The following PKD1 variants were observed in gnomAD, a reference collection of about 807,000 sequenced individuals.
The protein encoded by PKD1 is polycystin 1, transient receptor potential channel interacting.
Under a neutral mutation model 361.7 loss-of-function variants are expected in PKD1, and 81 were observed. That is an observed-to-expected ratio of 0.22 (90% confidence interval 0.19 to 0.27). PKD1 has a LOEUF of 0.27. Ranked by LOEUF, PKD1 falls within the 10% of genes least tolerant of loss-of-function variation. The pLI is 1.00. For missense variants in PKD1, 6,399 were observed against 6,118.3 expected, an observed-to-expected ratio of 1.05 and a Z score of -1.53; for synonymous variants, 3,615 against 2,818.3, an observed-to-expected ratio of 1.28 and a Z score of -8.95.
chr16:2,090,531 G>A lies in PKD1; in HGVS notation c.12198C>T (p.Cys4066=), dbSNP rs116216040. 1.1e-3 allele frequency: 1,693 copies of A among 1,610,278 alleles called. 13 individuals carry two copies. The African/African-American group carries it at 0.014, about 14-fold the overall frequency. The part of the protein sequence containing the change: ...WSVAQALLVL[C]PGTGLSTLCP... Reference sequence around the variant, plus strand: ...ACAGGGTAGAGAGCCCAGTCCCAGGGCACAGCACCAACAGGGCCTGGGCCA... The same window carrying A: ...ACAGGGTAGAGAGCCCAGTCCCAGGACACAGCACCAACAGGGCCTGGGCCA... The change falls in exon 45 of 46, where the codon TGC becomes TGT. Residue 4066 remains cysteine, a synonymous_variant. Coordinates refer to ENST00000262304, the MANE Select transcript of PKD1 (RefSeq NM_001009944.3).
rs760474638 is a variant in PKD1 at position 2,102,869 on chromosome 16, G to A, written c.8893C>T (p.Pro2965Ser). The change falls in exon 24 of 46, where the codon CCA (proline) becomes TCA (serine). Residue 2965 changes from proline to serine, a missense_variant. Transcript: ENST00000262304. ...HNCSASRRIR[P>S]ESLQGADHRP... ...TGGTCAGCACCCTGGAGTGACTCTG[G>A]GCGGATCCTCCTGCTAGCCGAGCAG... 1.1e-5 allele frequency: 17 copies of A among 1,610,046 alleles called. 1 individual carries two copies. Among genetic ancestry groups the A allele is most frequent in the Non-Finnish European group, 8.5e-6 (10 of 1,179,732 alleles).
chr16:2,093,475 G>A (rs2151706683), intron 37 of PKD1, 69 bp downstream of exon 37: 2 of 1,403,542 alleles, frequency 1.4e-6, no homozygotes, highest in Admixed American at 2.0e-5. Context: ...GGAGTGTCCT[G>A]CGTGCATGGG....
chr16:2,121,503 C>A (rs1374087370), intron 1 of PKD1, among the ~76,000 whole-genome samples: 1 of 152,184 alleles, frequency 6.6e-6, no homozygotes, highest in Non-Finnish European at 1.5e-5. Flanking sequence ...GGAAAAACAT[C>A]CCATGTCAGT....
rs905389933 is a variant in PKD1 at position 2,092,884 on chromosome 16, C to T, written c.11156+70G>A. 1.5e-5 allele frequency: 24 copies of T among 1,574,816 alleles called. No individual in the cohort carries two copies. The South Asian group carries it at 2.2e-4, about 15-fold the overall frequency. On this transcript the variant is annotated intron_variant, in intron 38 of 45. Coordinates refer to ENST00000262304, the MANE Select transcript of PKD1 (RefSeq NM_001009944.3). The stretch of plus-strand genomic sequence containing the variant: ...GGTATCTACACATGTCCACATGTCC[C>T]CTAGGGTCTGGCTGGACTAAAGGCA...
chr16:2,126,004 T>TGG (rs796406284), intron 1 of PKD1, among the ~76,000 whole-genome samples: 34 of 139,078 alleles, frequency 2.4e-4, no homozygotes, highest in South Asian at 7.3e-4. Context: ...AAGAGGATGG[T>TGG]GGGGGGGGGG....
At position 2,108,627 on chromosome 16, in the gene PKD1, G is replaced by A. The variant is rs1290717799; in HGVS notation, c.6540C>T (p.Thr2180=). 5 of 1,560,324 alleles carry A rather than the reference G, an allele frequency of 3.2e-6. No homozygotes were observed. Among genetic ancestry groups the A allele is most frequent in the South Asian group, 1.2e-5 (1 of 85,304 alleles). The change falls in exon 15 of 46, where the codon ACC becomes ACT. Residue 2180 remains threonine, a synonymous_variant. Coordinates refer to ENST00000262304, the MANE Select transcript of PKD1 (RefSeq NM_001009944.3). Reference sequence around the variant, plus strand: ...CCTCCCAGCGGTACTCAGTCTGGTAGGTGACGCAGTCGCGCAGGTCAACGT... The same window carrying A: ...CCTCCCAGCGGTACTCAGTCTGGTAAGTGACGCAGTCGCGCAGGTCAACGT... The part of the protein sequence containing the change: ...EAHVDLRDCV[T]YQTEYRWEVY...
rs375153645 is a variant in PKD1, at chr16:2,110,635, G to A, written c.4532C>T (p.Pro1511Leu). The stretch of plus-strand genomic sequence containing the variant: ...GCTGTTGTAAGCGTGGGTGACCTCC[G>A]GACCCTCGAGCCACCCACCGTCCCC... The part of the protein sequence containing the change: ...DLGDGGWLEG[P>L]EVTHAYNSTG... Residue 1511 changes from proline (P) to leucine (L), a missense_variant, in exon 15 of 46, where the codon CCG (proline) becomes CTG (leucine). Pro to Leu is a moderately conservative substitution (Grantham distance 98). Transcript: ENST00000262304. The A allele has an allele frequency of 3.2e-5, 51 of 1,609,904 alleles. No individual in the cohort carries two copies. Among genetic ancestry groups the A allele is most frequent in the African/African-American group, 2.8e-4 (21 of 74,818 alleles).
rs143419418 is a variant in PKD1, at chr16:2,103,438, G to A, written c.8619C>T (p.Thr2873=). 69 of 1,599,080 alleles carry A rather than the reference G, an allele frequency of 4.3e-5. No individual in the cohort carries two copies. The highest frequency in any genetic ancestry group is 6.7e-5 in the Admixed American group (4 of 59,986). ...IERLASERAI[T]VKVPNNSDWA... ...AGTCCGAGTTGTTGGGCACCTTCAC[G>A]GTGATGGCGCGCTCTGAGGCCAGCC... The change falls in exon 23 of 46, where the codon ACC becomes ACT. Residue 2873 remains threonine, a synonymous_variant. Coordinates refer to ENST00000262304, the MANE Select transcript of PKD1 (RefSeq NM_001009944.3).
At chr16:2,131,197 G>A (rs922421492) in intron 1 of PKD1, among the ~76,000 whole-genome samples, 1 of 152,150 alleles carries the variant, frequency 6.6e-6, no homozygotes, top group African/African-American at 2.4e-5. Context: ...AAAAAGAGAG[G>A]AAGGGAAGCT....
intron 39 of PKD1, 74 bp downstream of exon 39, chr16:2,092,406 C>T (rs2091637331): frequency 8.9e-7 from 1 of 1,125,378 alleles, no homozygotes; most frequent in Admixed American, 1.9e-5. Flanking sequence ...AGGGCTGATG[C>T]CAGAGCTCCG....
Position 2,113,095 on chromosome 16 carries a change from G to C in PKD1, c.2985+66C>G, listed in dbSNP as rs927321761. On this transcript the variant is annotated intron_variant, in intron 12 of 45. Transcript: ENST00000262304. ...ATGAAGCAGAGCAGAAGGCAGAGGT[G>C]AAGGTGGAGCCCGCCCCCGCCCTGC... 4 of 981,896 alleles carry C rather than the reference G, an allele frequency of 4.1e-6. No homozygotes were observed. The Admixed American group carries it at 7.9e-5, about 19-fold the overall frequency. The allele number at this position is 981,896 out of a possible 1,614,324, so 60.8% of individuals were successfully genotyped here.
chr16:2,094,176 C>T lies in PKD1; in HGVS notation c.10534G>A (p.Ala3512Thr). 1 of 1,606,300 alleles carries T rather than the reference C, an allele frequency of 6.2e-7. No homozygotes were observed. The highest frequency in any genetic ancestry group is 8.5e-7 in the Non-Finnish European group (1 of 1,176,124). ...CCCAGCTCCCCCAGCCTCTGCAGCG[C>T]CAGCGTCTCTGTCTTCTCCCCAGGA... Reference protein sequence around the residue: ...STPGEKTETLALQRLGELGPP... With the variant: ...STPGEKTETLTLQRLGELGPP... Residue 3512 changes from alanine (A) to threonine (T), a missense_variant, in exon 35 of 46, where the codon GCG (alanine) becomes ACG (threonine). By Grantham distance (58) the Ala-to-Thr change is moderately conservative. Coordinates refer to ENST00000262304, the MANE Select transcript of PKD1 (RefSeq NM_001009944.3).
Position 2,116,897 on chromosome 16 carries a change from G to A in PKD1, c.1542C>T (p.Thr514=), listed in dbSNP as rs530963864. ...AGCACAGGTCGGTGTTACACCACCC[G>A]GTGGGCCCGAGCCGGACGCAGTGCT... ...TAEHCVRLGP[T]GWCNTDLCSA... The change falls in exon 7 of 46, where the codon ACC becomes ACT. Residue 514 remains threonine, a synonymous_variant. Transcript: ENST00000262304. 9.2e-6 allele frequency: 14 copies of A among 1,527,508 alleles called. No individual in the cohort carries two copies. In the East Asian group the frequency reaches 1.7e-4, roughly 18 times the overall value. 94.6% of individuals were successfully genotyped at this position (1,527,508 alleles called of 1,614,324 possible). A position where few individuals can be genotyped will look rare whatever the true frequency, so the allele number is the denominator to read the frequency against.
rs548925324 is a variant in PKD1, at chr16:2,106,040, G to C, written c.7704-16C>G. 5 of 1,607,058 alleles carry C rather than the reference G, an allele frequency of 3.1e-6. No individual in the cohort carries two copies. The African/African-American group carries it at 4.0e-5, about 13-fold the overall frequency. On this transcript the variant is annotated splice_polypyrimidine_tract_variant and intron_variant, in intron 19 of 45. Coordinates refer to ENST00000262304, the MANE Select transcript of PKD1 (RefSeq NM_001009944.3). This position sits in a 1 kb window ranked among gnomAD's most constrained non-coding sequence, Gnocchi z 6.5. ...GGCCAAAGACCTACGAGCAGAGGGG[G>C]GTGGTGAGCAGGTGGCAGTCTCGGG...
At chr16:2,094,455 T>C (rs939997540) in intron 34 of PKD1, among the ~76,000 whole-genome samples, 4 of 152,166 alleles carry the variant, frequency 2.6e-5, no homozygotes, top group African/African-American at 9.6e-5. Context: ...TTGCTGCTGA[T>C]AAACCCATCG....
rs375255736 is a variant in PKD1, at chr16:2,109,862, G to A, written c.5305C>T (p.His1769Tyr). The A allele has an allele frequency of 1.3e-5, 21 of 1,610,558 alleles. No individual in the cohort carries two copies. The Middle Eastern group carries it at 9.0e-4, about 69-fold the overall frequency. The change falls in exon 15 of 46, where the codon CAT becomes TAT. Residue 1769 changes from histidine to tyrosine, a missense_variant. His to Tyr is a moderately conservative substitution (Grantham distance 83). Transcript: ENST00000262304. ...SWETSEPFTT[H>Y]SFPTPGLHLV... Reference sequence around the variant, plus strand: ...TGCAGGCCGGGTGTGGGGAAGCTATGGGTGGTAAATGGCTCGGAGGTCTCC... The same window carrying A: ...TGCAGGCCGGGTGTGGGGAAGCTATAGGTGGTAAATGGCTCGGAGGTCTCC...
intron 34 of PKD1, among the ~76,000 whole-genome samples, chr16:2,094,417 C>T (rs866867145): frequency 3.3e-5 from 5 of 152,172 alleles, no homozygotes; most frequent in Admixed American, 6.5e-5. Context: ...CGAAGTCAGG[C>T]GTCCGCCTGC....
Position 2,108,278 on chromosome 16 carries a change from G to A in PKD1, c.6889C>T (p.His2297Tyr), listed in dbSNP as rs1596549834. 11 of 1,602,394 alleles carry A rather than the reference G, an allele frequency of 6.9e-6. No homozygotes were observed. The highest frequency in any genetic ancestry group is 9.4e-6 in the Non-Finnish European group (11 of 1,173,700). The stretch of plus-strand genomic sequence containing the variant: ...TGTGTCGAAGCCACACAGGCCCAGT[G>A]GAAACTGAGCGGCGTCTGGTCGCCG... ...EDGDQTPLSF[H>Y]WACVASTQRE... Residue 2297 changes from histidine (H) to tyrosine (Y), a missense_variant, in exon 15 of 46, where the codon CAC becomes TAC. Transcript: ENST00000262304.
chr16:2,102,958 G>C lies in PKD1; in HGVS notation c.8804C>G (p.Ser2935Cys). Residue 2935 changes from serine to cysteine, a missense_variant, in exon 24 of 46, where the codon TCT (serine) becomes TGT (cysteine). Ser to Cys is a moderately radical substitution (Grantham distance 112, BLOSUM62 -1). Coordinates refer to ENST00000262304, the MANE Select transcript of PKD1 (RefSeq NM_001009944.3). ...TGCCAGGTAGGGCTCAGGTTCCTCA[G>C]ACAGGTAGTGGCCTGGGGCAGAACG... ...NYTLLDGHYLSEEPEPYLAVY... is the reference protein window; with the variant it reads ...NYTLLDGHYLCEEPEPYLAVY... 6.2e-7 allele frequency: 1 copy of C among 1,605,628 alleles called. No individual in the cohort carries two copies. Among genetic ancestry groups the C allele is most frequent in the Non-Finnish European group, 8.5e-7 (1 of 1,179,728 alleles).
Sources: gnomAD v4.1 joint callset for allele counts (sites outside exome capture counted in the v4.1 genomes callset) on GRCh38, gnomAD v4.1.1 for gene constraint, Gnocchi (gnomAD v3.1) non-coding constraint, MANE v1.5 for transcripts, NCBI Gene and HGNC (gene_info 2026-07-23, HGNC 2026-07-21) for gene names.